The following BRINP1 variants were observed in gnomAD, a reference collection of about 807,000 sequenced individuals.
The protein encoded by BRINP1 is BMP/retinoic acid inducible neural specific 1.
A neutral mutation model predicts 72.9 loss-of-function variants in BRINP1; 17 were observed. The observed-to-expected ratio is 0.23, with a 90% CI of 0.16 to 0.35. The LOEUF (loss-of-function observed/expected upper bound fraction) is 0.35. Ranked by LOEUF, BRINP1 falls within the 10% of genes least tolerant of loss-of-function variation. The pLI is 1.00. For missense variants in BRINP1, 850 were observed against 1,001.6 expected (o/e 0.85, Z 2.04); for synonymous variants, 418 against 378.5 (o/e 1.10, Z -1.21).
intron 1 of BRINP1, among the ~76,000 whole-genome samples, chr9:119,359,090 T>A (rs557803406): frequency 2.6e-5 from 4 of 152,252 alleles, no homozygotes; most frequent in Non-Finnish European, 2.9e-5. Flanking sequence ...TAAAAGGCAG[T>A]AACAGTTAAT....
intron 1 of BRINP1, among the ~76,000 whole-genome samples, chr9:119,321,739 G>A (rs922306574): frequency 1.3e-5 from 2 of 152,198 alleles, no homozygotes; most frequent in African/African-American, 2.4e-5. Flanking sequence ...AAAGGTGTGA[G>A]TCACCATGCC....
intron 7 of BRINP1, among the ~76,000 whole-genome samples, chr9:119,190,005 C>T (rs1041830034): frequency 2.0e-5 from 3 of 151,706 alleles, no homozygotes; most frequent in African/African-American, 4.8e-5. Context: ...AACTAGAAAT[C>T]AGTAACAAGA....
chr9:119,190,616 C>T (rs888671453), intron 7 of BRINP1, among the ~76,000 whole-genome samples: 2 of 151,836 alleles, frequency 1.3e-5, no homozygotes, highest in African/African-American at 2.4e-5. Context: ...AAAAGAAAAC[C>T]TGAACAGACC....
In BRINP1 at chr9:119,242,022, G is replaced by A. The variant is rs368485293; in HGVS notation, c.579+25C>T. ...AGTGTTGTTGTATTGAGAACCTGTC[G>A]CCCAAATCCACCCCGGAGCTGTACC... On this transcript the variant is annotated intron_variant, in intron 4 of 7. Coordinates refer to ENST00000265922, the MANE Select transcript of BRINP1 (RefSeq NM_014618.3). 106 of 1,607,184 alleles carry A rather than the reference G, an allele frequency of 6.6e-5. No homozygotes were observed. In the Middle Eastern group the frequency reaches 7.6e-4, roughly 12 times the overall value.
In BRINP1 at chr9:119,289,132, G is replaced by C. The variant is rs116425076; in HGVS notation, c.218+24006C>G. On this transcript the variant is annotated intron_variant, in intron 2 of 7. Transcript: ENST00000265922. The stretch of plus-strand genomic sequence containing the variant: ...GCCAATTCTTGAAGTCTGAGAATGT[G>C]GTTTTAAAAAGCAGAGCACGGAGAT... 8.1e-3 allele frequency among the ~76,000 whole-genome samples: 1,232 copies of C among 152,272 alleles called. 15 individuals are homozygous for C. The highest frequency in any genetic ancestry group is 0.029 in the African/African-American group (1,191 of 41,562).
At chr9:119,322,585 G>C (rs1587960492) in intron 1 of BRINP1, among the ~76,000 whole-genome samples, 4 of 152,242 alleles carry the variant, frequency 2.6e-5, no homozygotes, top group Non-Finnish European at 5.9e-5. Flanking sequence ...CCATATTCTG[G>C]GCCAGAGGTA....
intron 5 of BRINP1, among the ~76,000 whole-genome samples, chr9:119,216,738 T>C (rs1227413012): frequency 1.3e-5 from 2 of 152,196 alleles, no homozygotes; most frequent in Non-Finnish European, 2.9e-5. Flanking sequence ...CTCCCTTCTG[T>C]AGGGGATAAA....
At chr9:119,172,040 A>C (rs2118823040) in intron 7 of BRINP1, among the ~76,000 whole-genome samples, 1 of 138,522 alleles carries the variant, frequency 7.2e-6, no homozygotes, top group Non-Finnish European at 1.5e-5. Flanking sequence ...GGAAAGATCC[A>C]AAATTGACAC....
In BRINP1 at chr9:119,173,231, C is replaced by T. The variant is rs998220850; in HGVS notation, c.1146-5007G>A. On this transcript the variant is annotated intron_variant, in intron 7 of 7. Transcript: ENST00000265922. ...ATGACATGACTGTATATCTAGAAAA[C>T]CCCATTGTTTCAGCCCAAAATCTCC... 7.4e-4 allele frequency among the ~76,000 whole-genome samples: 112 copies of T among 151,298 alleles called. 1 individual carries two copies. Among genetic ancestry groups the T allele is most frequent in the Non-Finnish European group, 1.3e-3 (91 of 67,948 alleles).
chr9:119,228,662 G>A (rs1282516889), intron 5 of BRINP1, among the ~76,000 whole-genome samples: 3 of 151,990 alleles, frequency 2.0e-5, no homozygotes, highest in African/African-American at 7.2e-5. Flanking sequence ...AGGTATCTCT[G>A]GTAGAGGATA....
chr9:119,269,650 A>T (rs1391893964), intron 2 of BRINP1, among the ~76,000 whole-genome samples: 1 of 152,194 alleles, frequency 6.6e-6, no homozygotes. Flanking sequence ...TGTTTTTAAA[A>T]TGTAGAAACT....
intron 1 of BRINP1, among the ~76,000 whole-genome samples, chr9:119,352,636 G>T (rs1265938522): frequency 2.0e-5 from 3 of 152,122 alleles, no homozygotes; most frequent in African/African-American, 7.2e-5. Context: ...TCGAACTCCT[G>T]ACCTCAGGTG....
At chr9:119,245,467 T>C (rs1488041041) in intron 3 of BRINP1, among the ~76,000 whole-genome samples, 1 of 152,192 alleles carries the variant, frequency 6.6e-6, no homozygotes, top group Non-Finnish European at 1.5e-5. Flanking sequence ...AGCCCCAAGA[T>C]ATGGTCATCA....
chr9:119,259,233 C>T (rs1386438421), intron 2 of BRINP1, among the ~76,000 whole-genome samples: 3 of 152,102 alleles, frequency 2.0e-5, no homozygotes, highest in African/African-American at 4.8e-5. Context: ...ACTCATTAGC[C>T]GAGTGAACAT....
At chr9:119,344,268 A>C (rs1831430897) in intron 1 of BRINP1, among the ~76,000 whole-genome samples, 1 of 152,254 alleles carries the variant, frequency 6.6e-6, no homozygotes, top group Non-Finnish European at 1.5e-5. Flanking sequence ...GTTTTATTGC[A>C]GTGGTAAATG....
chr9:119,228,495 T>C (rs1366269957), intron 5 of BRINP1, among the ~76,000 whole-genome samples: 2 of 150,248 alleles, frequency 1.3e-5, no homozygotes, highest in African/African-American at 2.5e-5. Context: ...AAAAAAAAAA[T>C]CATACTGTAA....
intron 1 of BRINP1, among the ~76,000 whole-genome samples, chr9:119,323,356 C>T: frequency 6.6e-6 from 1 of 152,200 alleles, no homozygotes; most frequent in East Asian, 1.9e-4. Flanking sequence ...TGGGAAGCAA[C>T]TGCCTAGTTC....
intron 2 of BRINP1, among the ~76,000 whole-genome samples, chr9:119,286,140 T>C (rs1830758564): frequency 6.6e-6 from 1 of 152,194 alleles, no homozygotes; most frequent in African/African-American, 2.4e-5. Flanking sequence ...ATCTTTGTCA[T>C]TGCCAACATG....
intron 1 of BRINP1, among the ~76,000 whole-genome samples, chr9:119,351,853 A>G (rs1280690125): frequency 1.3e-5 from 2 of 151,018 alleles, no homozygotes; most frequent in East Asian, 2.0e-4. Flanking sequence ...GTCTCACTTC[A>G]TCAACTAGGC....
Sources: allele counts gnomAD v4.1 joint callset (sites outside exome capture counted in the v4.1 genomes callset), GRCh38; gene constraint gnomAD v4.1.1; transcripts MANE v1.5; gene names NCBI Gene and HGNC (gene_info 2026-07-23, HGNC 2026-07-21).